ACSF2: variants seen among roughly 807,000 people sequenced by gnomAD.
The protein encoded by ACSF2 is medium-chain acyl-CoA ligase ACSF2, mitochondrial.
In ACSF2, 52 loss-of-function variants were observed where a neutral mutation model predicts 79.3. The observed-to-expected ratio is 0.66, with a 90% CI of 0.53 to 0.83. The LOEUF is 0.83. ACSF2 is among the 40% of genes least tolerant of loss of function. ACSF2 has a pLI of 0.00. For missense variants in ACSF2, 661 were observed against 803.3 expected (o/e 0.82, Z 2.14); for synonymous variants, 283 against 312.6 (o/e 0.91, Z 1.00).
intron 10 of ACSF2, among the ~76,000 whole-genome samples, chr17:50,466,468 CAGT>C (rs1016365780): frequency 2.5e-4 from 38 of 152,210 alleles, no homozygotes; most frequent in African/African-American, 8.9e-4. Context: ...AGTGGGTAAA[CAGT>C]AGCCACAGGA....
At chr17:50,467,275 C>T (rs147756196) in intron 10 of ACSF2, among the ~76,000 whole-genome samples, 387 of 152,290 alleles carry the variant, frequency 2.5e-3, no homozygotes, top group Admixed American at 5.7e-3. Context: ...AGTCTGGAGA[C>T]AGTGAGTCAC....
chr17:50,440,670 T>C (rs1333179293), intron 1 of ACSF2, among the ~76,000 whole-genome samples: 1 of 152,232 alleles, frequency 6.6e-6, no homozygotes, highest in Non-Finnish European at 1.5e-5. Flanking sequence ...ATGCCACAGC[T>C]ATTTCACCTG....
intron 2 of ACSF2, 84 bp downstream of exon 2, chr17:50,460,956 C>A (rs2032294537): frequency 1.7e-5 from 25 of 1,456,712 alleles, no homozygotes; most frequent in Non-Finnish European, 2.3e-5. Context: ...AGCGTGGGCA[C>A]CTGGCTATGG....
chr17:50,456,033 C>T (rs1037064245), intron 1 of ACSF2, among the ~76,000 whole-genome samples: 5 of 152,206 alleles, frequency 3.3e-5, no homozygotes, highest in African/African-American at 7.2e-5. Context: ...GAAACTGTCC[C>T]TCACAAGGCA....
intron 1 of ACSF2, among the ~76,000 whole-genome samples, chr17:50,427,845 G>A (rs1214328266): frequency 6.6e-6 from 1 of 152,124 alleles, no homozygotes; most frequent in Non-Finnish European, 1.5e-5. Context: ...TGGGACCTCT[G>A]AGAGCACCAA....
chr17:50,450,100 A>G (rs1432175601), intron 1 of ACSF2: 1 of 152,276 alleles, frequency 6.6e-6, no homozygotes, highest in African/African-American at 2.4e-5. Flanking sequence ...GGTAACAGAA[A>G]ATGTGGTTGT....
chr17:50,469,045 G>C (rs1429891643), intron 10 of ACSF2: 2 of 1,316,256 alleles, frequency 1.5e-6, no homozygotes, highest in Non-Finnish European at 1.9e-6. Flanking sequence ...CCCCCAGCCG[G>C]CTACCGTGCA....
chr17:50,468,370 G>A (rs1030541173), intron 10 of ACSF2: 30 of 1,614,050 alleles, frequency 1.9e-5, no homozygotes, highest in Non-Finnish European at 2.1e-5. Flanking sequence ...AGATGAAGAG[G>A]TTGACCAGCG....
chr17:50,461,040 C>T (rs1350639636), intron 2 of ACSF2, 168 bp downstream of exon 2: 15 of 1,098,702 alleles, frequency 1.4e-5, no homozygotes, highest in Non-Finnish European at 3.9e-6. Flanking sequence ...CACAAGGGGT[C>T]CAATGCCTCC....
At chr17:50,432,601 T>C (rs1203489186) in intron 1 of ACSF2, among the ~76,000 whole-genome samples, 1 of 152,256 alleles carries the variant, frequency 6.6e-6, no homozygotes, top group Non-Finnish European at 1.5e-5. Context: ...GCCATGGGAC[T>C]GTTCTAATAA....
chr17:50,458,990 T>C (rs1598416600), intron 1 of ACSF2, among the ~76,000 whole-genome samples: 1 of 152,358 alleles, frequency 6.6e-6, no homozygotes, highest in East Asian at 1.9e-4. Context: ...TGGCTTGTTC[T>C]ATCTCTAGTC....
chr17:50,467,743 T>C, intron 10 of ACSF2: 1 of 317,346 alleles, frequency 3.2e-6, no homozygotes, highest in Non-Finnish European at 5.7e-6. Context: ...CTGCTCACAG[T>C]TGGGGGTTTG....
chr17:50,443,487 T>A (rs2031085949), intron 1 of ACSF2, among the ~76,000 whole-genome samples: 1 of 152,216 alleles, frequency 6.6e-6, no homozygotes, highest in South Asian at 2.1e-4. Context: ...CGATTTAGAA[T>A]AAGAAAAGAA....
At chr17:50,437,612 C>T (rs1051984320) in intron 1 of ACSF2, among the ~76,000 whole-genome samples, 2 of 151,776 alleles carry the variant, frequency 1.3e-5, no homozygotes, top group Non-Finnish European at 2.9e-5. Context: ...GCCGTGATCA[C>T]GCCATTGCAC....
chr17:50,442,663 A>T (rs1374815128), intron 1 of ACSF2, among the ~76,000 whole-genome samples: 1 of 152,044 alleles, frequency 6.6e-6, no homozygotes, highest in Non-Finnish European at 1.5e-5. Flanking sequence ...ACGGGGTCTC[A>T]ATATGTTGCT....
intron 1 of ACSF2, among the ~76,000 whole-genome samples, chr17:50,458,109 G>T (rs75031871): frequency 1.6e-4 from 25 of 152,282 alleles, no homozygotes; most frequent in South Asian, 6.2e-4. Flanking sequence ...GGTTGAGAAG[G>T]TTCCTTCTGA....
intron 6 of ACSF2, 44 bp downstream of exon 6, chr17:50,462,629 C>A: frequency 6.3e-7 from 1 of 1,594,180 alleles, no homozygotes; most frequent in Non-Finnish European, 8.6e-7. Context: ...TGGACACATG[C>A]CCCCTGTCCC....
Position 50,461,386 on chromosome 17 carries a change from C to T in ACSF2, c.453+16C>T. The stretch of plus-strand genomic sequence containing the variant: ...CATCATTCTGGTGAGGAGGGGCTTG[C>T]TTGGCACAGCTTGGTGTGCATGGGG... On this transcript the variant is annotated intron_variant, in intron 3 of 15. Transcript: ENST00000300441. The T allele has an allele frequency of 6.2e-7, 1 of 1,613,474 alleles. No individual in the cohort carries two copies. Among genetic ancestry groups the T allele is most frequent in the Non-Finnish European group, 8.5e-7 (1 of 1,179,894 alleles).
chr17:50,442,032 C>T (rs1043796546), intron 1 of ACSF2, among the ~76,000 whole-genome samples: 11 of 151,892 alleles, frequency 7.2e-5, no homozygotes, highest in Admixed American at 1.3e-4. Flanking sequence ...TGGCTGGGCA[C>T]GGTGGCTCAC....
Sources: gnomAD v4.1 joint callset for allele counts (sites outside exome capture counted in the v4.1 genomes callset) on GRCh38, gnomAD v4.1.1 for gene constraint, MANE v1.5 for transcripts, NCBI Gene and HGNC (gene_info 2026-07-23, HGNC 2026-07-21) for gene names.